The following SEZ6L variants were observed in gnomAD, a reference collection of about 807,000 sequenced individuals.
SEZ6L encodes the protein seizure related 6 homolog like, also known as seizure 6-like protein.
In SEZ6L, 37 loss-of-function variants were observed where a neutral mutation model predicts 106.2. The observed-to-expected ratio is 0.35, with a 90% confidence interval of 0.27 to 0.46. The LOEUF (loss-of-function observed/expected upper bound fraction) is 0.46, where lower values mean the gene tolerates loss of function less well. Ranked by LOEUF, SEZ6L falls within the 20% of genes least tolerant of loss-of-function variation. SEZ6L has a pLI of 1.00. For synonymous variants in SEZ6L, 541 were observed against 570.4 expected (o/e 0.95, Z 0.73); for missense variants, 1,172 against 1,332.8 (o/e 0.88, Z 1.88).
chr22:26,188,145 T>A (rs190103586), intron 1 of SEZ6L, among the ~76,000 whole-genome samples: 1 of 152,206 alleles, frequency 6.6e-6, no homozygotes, highest in Non-Finnish European at 1.5e-5. Context: ...GATTTCCACA[T>A]GTACCCTCTT....
chr22:26,280,840 C>T (rs1012239310), intron 1 of SEZ6L, among the ~76,000 whole-genome samples: 9 of 152,130 alleles, frequency 5.9e-5, no homozygotes, highest in Non-Finnish European at 1.2e-4. Flanking sequence ...ATGCAGGCAT[C>T]GTGGAATGGC....
At chr22:26,307,540 G>A (rs1187803083) in intron 6 of SEZ6L, among the ~76,000 whole-genome samples, 1 of 151,836 alleles carries the variant, frequency 6.6e-6, no homozygotes, top group Non-Finnish European at 1.5e-5. Flanking sequence ...TTCCCTCTAG[G>A]CAGTTCAGCT....
chr22:26,253,884 G>A (rs1213412479), intron 1 of SEZ6L: 2 of 152,190 alleles, frequency 1.3e-5, no homozygotes, highest in Non-Finnish European at 2.9e-5. Context: ...TTATAAGGAT[G>A]AGTTTATAAT....
chr22:26,203,537 A>G (rs918812550), intron 1 of SEZ6L, among the ~76,000 whole-genome samples: 5 of 152,176 alleles, frequency 3.3e-5, no homozygotes, highest in African/African-American at 1.2e-4. Flanking sequence ...CATTTGTCAC[A>G]TTTCTTTCCT....
chr22:26,299,900 A>G lies in SEZ6L; in HGVS notation c.1348+731A>G, dbSNP rs117631868. Reference sequence around the variant, plus strand: ...ATGTATAACTTTTTGAGGAACCATCAAACGATTTTCCACAGCAGCTGCACC... The same window carrying G: ...ATGTATAACTTTTTGAGGAACCATCGAACGATTTTCCACAGCAGCTGCACC... On this transcript the variant is annotated intron_variant, in intron 5 of 16. Transcript: ENST00000248933. 2.5e-3 allele frequency among the ~76,000 whole-genome samples: 380 copies of G among 152,302 alleles called. 8 individuals carry two copies. The East Asian group carries it at 0.059, about 24-fold the overall frequency.
chr22:26,373,550 T>C, intron 14 of SEZ6L, 67 bp downstream of exon 14: 3 of 1,154,186 alleles, frequency 2.6e-6, no homozygotes, highest in South Asian at 1.4e-5. Context: ...CAAGGGCAGG[T>C]CTTTGAATAT....
chr22:26,351,538 T>TTGG, intron 12 of SEZ6L: 1 of 284,858 alleles, frequency 3.5e-6, no homozygotes, highest in Non-Finnish European at 6.4e-6. Context: ...TGTTTGTTTG[T>TTGG]TTGTTTGTTG....
In SEZ6L at chr22:26,195,789, GTATA is replaced by G. The variant is rs144860970; in HGVS notation, c.94+26037_94+26040del. ...GTGTATGTACATATATATAGTGTGT[GTATA>G]TATATATATAGTTTGTGTGTGTGTG... On this transcript the variant is annotated intron_variant, in intron 1 of 16. Coordinates refer to ENST00000248933, the MANE Select transcript of SEZ6L (RefSeq NM_021115.5). 5.6e-4 allele frequency among the ~76,000 whole-genome samples: 83 copies of G among 149,490 alleles called. No homozygotes were observed. The South Asian group carries it at 0.017, about 30-fold the overall frequency.
chr22:26,290,597 A>T (rs1193737319), intron 1 of SEZ6L, among the ~76,000 whole-genome samples: 1 of 152,206 alleles, frequency 6.6e-6, no homozygotes, highest in Non-Finnish European at 1.5e-5. Context: ...ACAAAAATAA[A>T]TCGCAAGGAT....
At chr22:26,333,236 T>C (rs1019345582) in intron 9 of SEZ6L, among the ~76,000 whole-genome samples, 4 of 152,166 alleles carry the variant, frequency 2.6e-5, no homozygotes, top group African/African-American at 9.7e-5. Context: ...CTAGACAAGC[T>C]GGACAAGCCA....
intron 1 of SEZ6L, among the ~76,000 whole-genome samples, chr22:26,269,158 T>G (rs1006519325): frequency 1.3e-5 from 2 of 152,212 alleles, no homozygotes; most frequent in African/African-American, 4.8e-5. Context: ...ATTGTCTCCA[T>G]GTCCAGAACT....
intron 5 of SEZ6L, among the ~76,000 whole-genome samples, chr22:26,301,405 C>G (rs2081450930): frequency 6.6e-6 from 1 of 152,240 alleles, no homozygotes; most frequent in Non-Finnish European, 1.5e-5. Flanking sequence ...TGCAGGGACC[C>G]TGACCCAGTT....
At chr22:26,291,814 T>C (rs1314762483) in intron 1 of SEZ6L, among the ~76,000 whole-genome samples, 1 of 152,144 alleles carries the variant, frequency 6.6e-6, no homozygotes, top group Non-Finnish European at 1.5e-5. Flanking sequence ...CACACAAGCT[T>C]TTCTCTTTCC....
intron 1 of SEZ6L, among the ~76,000 whole-genome samples, chr22:26,288,588 A>T (rs2081009679): frequency 6.6e-6 from 1 of 152,318 alleles, no homozygotes; most frequent in Non-Finnish European, 1.5e-5. Context: ...TTGCTGTGTG[A>T]CCTCAAAAAG....
intron 7 of SEZ6L, 42 bp from the exon 8 acceptor site, chr22:26,311,726 C>T: frequency 6.4e-7 from 1 of 1,554,042 alleles, no homozygotes; most frequent in South Asian, 1.1e-5. Flanking sequence ...GTGGGGTAGT[C>T]CCTGCATCAT....
rs532502333 is a variant in SEZ6L at position 26,344,730 on chromosome 22, C to T, written c.2213-2989C>T. On this transcript the variant is annotated intron_variant, in intron 10 of 16. Transcript: ENST00000248933. ...ATAATATCTCAGTCAAACAAACAAA[C>T]GAATCCATCTAACTCATCTTAGTGT... 8.0e-4 allele frequency among the ~76,000 whole-genome samples: 122 copies of T among 152,274 alleles called. 1 individual carries two copies. The highest frequency in any genetic ancestry group is 2.6e-3 in the African/African-American group (109 of 41,538).
intron 1 of SEZ6L, among the ~76,000 whole-genome samples, chr22:26,223,452 T>C (rs1023086036): frequency 3.3e-5 from 5 of 152,196 alleles, no homozygotes; most frequent in African/African-American, 1.2e-4. Flanking sequence ...GTAGAGTAAA[T>C]TGGATTTCAC....
At chr22:26,305,393 G>A (rs1380694010) in intron 5 of SEZ6L, among the ~76,000 whole-genome samples, 3 of 152,170 alleles carry the variant, frequency 2.0e-5, no homozygotes, top group Non-Finnish European at 2.9e-5. Flanking sequence ...CCTCCCGAAA[G>A]GTCATAACAG....
intron 8 of SEZ6L, among the ~76,000 whole-genome samples, chr22:26,313,468 T>A (rs1569458667): frequency 6.6e-6 from 1 of 152,126 alleles, no homozygotes; most frequent in Non-Finnish European, 1.5e-5. Context: ...TTCTGACCAC[T>A]GAGCTCTGTC....
Sources: allele counts gnomAD v4.1 joint callset (sites outside exome capture counted in the v4.1 genomes callset), GRCh38; gene constraint gnomAD v4.1.1; transcripts MANE v1.5; gene names NCBI Gene and HGNC (gene_info 2026-07-23, HGNC 2026-07-21).